Variants in CDH23 observed in about 807,000 individuals in gnomAD.
CDH23 encodes the protein cadherin related 23, also known as cadherin-23.
Under a neutral mutation model 317.1 loss-of-function variants are expected in CDH23, and 189 were observed. The ratio of observed to expected loss-of-function variants is 0.60; its 90% CI spans 0.53 to 0.67. The LOEUF is 0.67. Among genes scored for constraint, CDH23 ranks in the 30% least tolerant of loss-of-function variants. The pLI, the probability that CDH23 is intolerant of heterozygous loss-of-function variation, is 0.00. For missense variants in CDH23, 4,401 were observed against 4,592.4 expected (o/e 0.96, Z 1.20); for synonymous variants, 1,839 against 1,876.8 (o/e 0.98, Z 0.52).
At position 71,722,892 on chromosome 10, in the gene CDH23, G is replaced by A. The variant is rs116245248; in HGVS notation, c.3370-1153G>A. Among the ~76,000 whole-genome samples, 1,039 of 152,278 alleles carry A rather than the reference G, an allele frequency of 6.8e-3. 17 individuals carry two copies. Among genetic ancestry groups the A allele is most frequent in the African/African-American group, 0.024 (1,007 of 41,542 alleles). On this transcript the variant is annotated intron_variant, in intron 28 of 69. Transcript: ENST00000224721. ...AGAGAGTGGTGGGAAGTGGGGCCCA[G>A]GGATGTGCAAGAGAGGGGCTGTTGA...
chr10:71,656,512 A>G (rs910948371), intron 14 of CDH23, among the ~76,000 whole-genome samples: 3 of 152,206 alleles, frequency 2.0e-5, no homozygotes, highest in Non-Finnish European at 1.5e-5. Context: ...TGTCTGTTCC[A>G]GGGGCAGGAG....
chr10:71,806,579 ATT>A lies in CDH23; in HGVS notation c.8178+315_8178+316del, dbSNP rs11323009. 8.3e-3 allele frequency among the ~76,000 whole-genome samples: 1,085 copies of A among 130,558 alleles called. 11 individuals carry two copies. The highest frequency in any genetic ancestry group is 0.027 in the African/African-American group (971 of 35,330). The allele number at this position is 130,558 out of a possible 152,430, so 85.7% of individuals were successfully genotyped here. A position where few individuals can be genotyped will look rare whatever the true frequency, so the allele number is the denominator to read the frequency against. ...ACACAAAGCATGAAAATCAGCTCTGATTTTTTTTTTTTTTTTTTGAGACAGAG... is the reference window on the plus strand; with the variant it reads ...ACACAAAGCATGAAAATCAGCTCTGATTTTTTTTTTTTTTTTGAGACAGAG... On this transcript the variant is annotated intron_variant, in intron 57 of 69. Coordinates refer to ENST00000224721, the MANE Select transcript of CDH23 (RefSeq NM_022124.6).
intron 3 of CDH23, among the ~76,000 whole-genome samples, chr10:71,509,048 C>T (rs1274871651): frequency 6.6e-6 from 1 of 152,226 alleles, no homozygotes; most frequent in Non-Finnish European, 1.5e-5. Flanking sequence ...ATAGACCAGG[C>T]ATCCTGAAGC....
At chr10:71,463,910 A>G (rs564704641) in intron 3 of CDH23, among the ~76,000 whole-genome samples, 1 of 152,198 alleles carries the variant, frequency 6.6e-6, no homozygotes, top group Non-Finnish European at 1.5e-5. Flanking sequence ...CCCAATACCC[A>G]ATCCCTGGAG....
intron 17 of CDH23, among the ~76,000 whole-genome samples, chr10:71,681,495 C>A (rs1864648671): frequency 2.0e-5 from 3 of 152,184 alleles, no homozygotes; most frequent in African/African-American, 7.2e-5. Flanking sequence ...GGGTTCTTCG[C>A]CCACCTCTAA....
At chr10:71,452,450 C>T (rs773506599) in intron 3 of CDH23, among the ~76,000 whole-genome samples, 26 of 152,318 alleles carry the variant, frequency 1.7e-4, no homozygotes, top group Non-Finnish European at 3.1e-4. Context: ...ACTGACACCT[C>T]GCACACTGTT....
chr10:71,704,960 G>T lies in CDH23; in HGVS notation c.2783G>T (p.Arg928Leu). ...GGCCTGAACGGCCTGGTGTCCTACCGCATGCCGGTGGGCATGCCCCGCATG... is the reference window on the plus strand; with the variant it reads ...GGCCTGAACGGCCTGGTGTCCTACCTCATGCCGGTGGGCATGCCCCGCATG... The part of the protein sequence containing the change: ...DEGLNGLVSY[R>L]MPVGMPRMDF... Residue 928 changes from arginine (R) to leucine (L), a missense_variant, in exon 25 of 70, where the codon CGC becomes CTC. Physicochemically the swap from Arg to Leu is moderately radical, Grantham distance 102 (BLOSUM62 -2). This residue lies in a region of CDH23 where 3,068 missense variants were observed against 3,203.3 expected (regional missense o/e 0.96). Coordinates refer to ENST00000224721, the MANE Select transcript of CDH23 (RefSeq NM_022124.6). The T allele has an allele frequency of 1.2e-6, 2 of 1,612,890 alleles. No homozygotes were observed. Among genetic ancestry groups the T allele is most frequent in the South Asian group, 2.2e-5 (2 of 91,076 alleles).
chr10:71,630,967 G>A (rs56235440), intron 11 of CDH23, among the ~76,000 whole-genome samples: 19,931 of 152,118 alleles, frequency 0.13, 1,456 homozygotes, highest in South Asian at 0.28. Flanking sequence ...ACCGGTGGCC[G>A]GCATGGCGGC....
intron 38 of CDH23, 197 bp downstream of exon 38, chr10:71,742,118 G>A: frequency 1.7e-6 from 1 of 595,556 alleles, no homozygotes; most frequent in East Asian, 2.8e-5. Flanking sequence ...CAAAGCTGGG[G>A]TGCTAGTTTG....
chr10:71,575,362 G>A (rs774299559), intron 8 of CDH23, among the ~76,000 whole-genome samples: 46 of 152,082 alleles, frequency 3.0e-4, no homozygotes, highest in Admixed American at 9.8e-4. Flanking sequence ...AGTGCTTCAC[G>A]TTTATCGGCT....
At chr10:71,406,277 C>T (rs945541486) in intron 1 of CDH23, among the ~76,000 whole-genome samples, 1 of 152,170 alleles carries the variant, frequency 6.6e-6, no homozygotes, top group Non-Finnish European at 1.5e-5. Flanking sequence ...GTTGCAGCAA[C>T]GTGGAGTGTT....
rs200193327 is a variant in CDH23, at chr10:71,669,450, CT to C, written c.1450-5648del. ...TTGGTGATCTGTCTCCCCATTCTGA[CT>C]TTTTTTTTTTTTTGTAAGATGGAGT... On this transcript the variant is annotated intron_variant, in intron 14 of 69. Transcript: ENST00000224721. Among the ~76,000 whole-genome samples, 369 of 143,046 alleles carry C rather than the reference CT, an allele frequency of 2.6e-3. 1 individual carries two copies. Among genetic ancestry groups the C allele is most frequent in the Admixed American group, 3.1e-3 (45 of 14,310 alleles). The allele number at this position is 143,046 out of a possible 152,430, so 93.8% of individuals were successfully genotyped here.
chr10:71,782,793 T>G (rs9416004), intron 41 of CDH23, among the ~76,000 whole-genome samples: 109,231 of 152,200 alleles, frequency 0.72, 39,698 homozygotes, highest in Middle Eastern at 0.82. Flanking sequence ...TGGGGTGTCA[T>G]GCTCAGGAAA....
chr10:71,777,208 T>C (rs370616738), intron 38 of CDH23, among the ~76,000 whole-genome samples: 1 of 152,212 alleles, frequency 6.6e-6, no homozygotes, highest in African/African-American at 2.4e-5. Flanking sequence ...GAACAATAGA[T>C]GAAGGTTAAA....
At chr10:71,707,657 C>A in intron 26 of CDH23, 1 of 527,726 alleles carries the variant, frequency 1.9e-6, no homozygotes, top group Non-Finnish European at 2.4e-6. Flanking sequence ...ATGGGTTTGC[C>A]ATTCCTGGAT....
At chr10:71,698,088 G>A (rs890463024) in intron 22 of CDH23, among the ~76,000 whole-genome samples, 8 of 152,128 alleles carry the variant, frequency 5.3e-5, no homozygotes, top group South Asian at 4.1e-4. Context: ...CATTACATTC[G>A]AGGACAAATT....
At chr10:71,531,379 T>C (rs1184572232) in intron 6 of CDH23, among the ~76,000 whole-genome samples, 4 of 152,228 alleles carry the variant, frequency 2.6e-5, no homozygotes, top group Admixed American at 6.5e-5. Context: ...CATCACCTCT[T>C]CATGATTCTG....
At chr10:71,543,819 G>C (rs1031170492) in intron 6 of CDH23, among the ~76,000 whole-genome samples, 3 of 152,208 alleles carry the variant, frequency 2.0e-5, no homozygotes, top group Admixed American at 1.3e-4. Context: ...AGGGCTGCTG[G>C]GACCTGTTGC....
At chr10:71,617,070 T>G in intron 10 of CDH23, 135 bp from the exon 11 acceptor site, 1 of 1,193,678 alleles carries the variant, frequency 8.4e-7, no homozygotes, top group Non-Finnish European at 1.2e-6. Context: ...ATCCTCCTCC[T>G]GGAGTTGTGG....
Sources: allele counts gnomAD v4.1 joint callset (sites outside exome capture counted in the v4.1 genomes callset), GRCh38; gene constraint gnomAD v4.1.1; regional missense constraint gnomAD v4.1.1; transcripts MANE v1.5; gene names NCBI Gene and HGNC (gene_info 2026-07-23, HGNC 2026-07-21).